MYT1: variants seen among roughly 807,000 people sequenced by gnomAD.
MYT1 encodes the protein myelin transcription factor 1.
In MYT1, 23 loss-of-function variants were observed where a neutral mutation model predicts 123.0. That is an observed-to-expected ratio of 0.19 (90% CI 0.13 to 0.26). The LOEUF (loss-of-function observed/expected upper bound fraction) is 0.26. Among genes scored for constraint, MYT1 ranks in the 10% least tolerant of loss-of-function variants. The pLI is 1.00. For missense variants in MYT1, 1,125 were observed against 1,472.5 expected (o/e 0.76, Z 3.86); for synonymous variants, 518 against 575.3 (o/e 0.90, Z 1.43).
At position 64,217,346 on chromosome 20, in the gene MYT1, G is replaced by A. The variant is rs1156232160; in HGVS notation, c.1846+65G>A. The A allele has an allele frequency of 3.9e-6, 6 of 1,553,056 alleles. No homozygotes were observed. In the Admixed American group the frequency reaches 6.8e-5, roughly 18 times the overall value. On this transcript the variant is annotated intron_variant, in intron 11 of 22. Coordinates refer to ENST00000328439, the MANE Select transcript of MYT1 (RefSeq NM_004535.3). ...GCTCCTGGGAGGGGCAGGATTCAAG[G>A]GGCAGTGGAGGAGGGACCCTCTCGA...
At chr20:64,187,418 T>C (rs1490999434) in intron 1 of MYT1, among the ~76,000 whole-genome samples, 54 of 106,106 alleles carry the variant, frequency 5.1e-4, no homozygotes, top group Middle Eastern at 7.7e-3. Context: ...TCCACGTTTC[T>C]GTGGAGAGTT....
In MYT1 at chr20:64,231,059, G is replaced by A. The variant is rs566719434; in HGVS notation, c.2676-1105G>A. 1.4e-4 allele frequency among the ~76,000 whole-genome samples: 16 copies of A among 115,248 alleles called. 1 individual carries two copies. The South Asian group carries it at 2.6e-3, about 19-fold the overall frequency. The allele number at this position is 115,248 out of a possible 152,430, so 75.6% of individuals were successfully genotyped here. On this transcript the variant is annotated intron_variant, in intron 18 of 22. Coordinates refer to ENST00000328439, the MANE Select transcript of MYT1 (RefSeq NM_004535.3). This position sits in a 1 kb window ranked among gnomAD's most constrained non-coding sequence, Gnocchi z 6.4. ...GCCCCCGCCCCCGCCCCCTGCTACC[G>A]TCCTCCCGAGCGCTTCCTGCGCTGA...
At position 64,207,703 on chromosome 20, in the gene MYT1, G is replaced by A; in HGVS notation, c.507G>A (p.Leu169=). The change falls in exon 7 of 23, where the codon CTG becomes CTA. Residue 169 remains leucine, a synonymous_variant. Transcript: ENST00000328439. The part of the protein sequence containing the change: ...SYQGIIATSL[L]NLGQIAEETL... ...AGGGAATCATCGCAACTTCTCTCCT[G>A]AACTTGGGTCAAATTGCTGAAGAGA... The A allele has an allele frequency of 6.2e-7, 1 of 1,614,084 alleles. No individual in the cohort carries two copies. Among genetic ancestry groups the A allele is most frequent in the African/African-American group, 1.3e-5 (1 of 75,028 alleles).
intron 14 of MYT1, among the ~76,000 whole-genome samples, chr20:64,222,779 C>T (rs1157116582): frequency 6.6e-6 from 1 of 152,230 alleles, no homozygotes; most frequent in Non-Finnish European, 1.5e-5. Flanking sequence ...CCAGGGAAGG[C>T]CTTGCTTCAG....
rs1442414348 is a variant in MYT1 at position 64,190,461 on chromosome 20, G to A, written c.-1+301G>A. Among the ~76,000 whole-genome samples the A allele has an allele frequency of 1.3e-5, 2 of 152,128 alleles. No homozygotes were observed. The highest frequency in any genetic ancestry group is 6.5e-5 in the Admixed American group (1 of 15,272). ...GGCTGAGGCAGGTGGATCACTTGAG[G>A]TCAAGAGTTCAAGACCAGCCTGGCC... On this transcript the variant is annotated intron_variant, in intron 2 of 22. Coordinates refer to ENST00000328439, the MANE Select transcript of MYT1 (RefSeq NM_004535.3). This position sits in a 1 kb window ranked among gnomAD's most constrained non-coding sequence, Gnocchi z 4.1.
chr20:64,199,679 G>C (rs1222253072), intron 3 of MYT1, among the ~76,000 whole-genome samples: 1 of 152,188 alleles, frequency 6.6e-6, no homozygotes, highest in Non-Finnish European at 1.5e-5. Flanking sequence ...CACCAGGCTT[G>C]GGGGAGCAGC....
At chr20:64,222,364 C>A (rs1984033448) in intron 14 of MYT1, among the ~76,000 whole-genome samples, 1 of 152,238 alleles carries the variant, frequency 6.6e-6, no homozygotes, top group South Asian at 2.1e-4. Flanking sequence ...CTGCAGGAAG[C>A]CCTCGGGGCA....
At position 64,235,835 on chromosome 20, in the gene MYT1, T is replaced by C. The variant is rs1360967259; in HGVS notation, c.2898-720T>C. ...GTGGTGGGTGACACTGGGCTGGCTGTGGTGGGTGACCCTGGGCTGGCCGTG... is the reference window on the plus strand; with the variant it reads ...GTGGTGGGTGACACTGGGCTGGCTGCGGTGGGTGACCCTGGGCTGGCCGTG... On this transcript the variant is annotated intron_variant, in intron 19 of 22. Coordinates refer to ENST00000328439, the MANE Select transcript of MYT1 (RefSeq NM_004535.3). 1.5e-4 allele frequency among the ~76,000 whole-genome samples: 17 copies of C among 115,608 alleles called. 1 individual carries two copies. The highest frequency in any genetic ancestry group is 6.3e-3 in the Middle Eastern group (1 of 160). The allele number at this position is 115,608 out of a possible 152,430, so 75.8% of individuals were successfully genotyped here.
rs547708691 is a variant in MYT1, at chr20:64,232,584, T to C, written c.2897+199T>C. Among the ~76,000 whole-genome samples, 2 of 152,238 alleles carry C rather than the reference T, an allele frequency of 1.3e-5. No homozygotes were observed. The highest frequency in any genetic ancestry group is 4.1e-4 in the South Asian group (2 of 4,828). On this transcript the variant is annotated intron_variant, in intron 19 of 22. Transcript: ENST00000328439. The surrounding 1 kb of genome is among the most constrained non-coding windows in gnomAD (Gnocchi z 6.9). Reference sequence around the variant, plus strand: ...GTGCCAGGTGATGCTGTGGGTTATGTCTTCGCCATGCGTCTCCCCTCATAC... The same window carrying C: ...GTGCCAGGTGATGCTGTGGGTTATGCCTTCGCCATGCGTCTCCCCTCATAC...
At position 64,227,990 on chromosome 20, in the gene MYT1, G is replaced by C; in HGVS notation, c.2675+19G>C. On this transcript the variant is annotated intron_variant, in intron 18 of 22. Coordinates refer to ENST00000328439, the MANE Select transcript of MYT1 (RefSeq NM_004535.3). ...TGATGAAGTACGTTGGGCCATGCTG[G>C]CTCTTTCATTGCATTGCGGAATTGA... 1.2e-6 allele frequency: 2 copies of C among 1,610,076 alleles called. No homozygotes were observed. The highest frequency in any genetic ancestry group is 1.7e-6 in the Non-Finnish European group (2 of 1,176,668).
intron 2 of MYT1, among the ~76,000 whole-genome samples, chr20:64,195,489 G>A (rs1324548677): frequency 1.3e-5 from 2 of 148,258 alleles, no homozygotes; most frequent in African/African-American, 2.5e-5. Context: ...TCCACCTCCT[G>A]GGTTCAAGTG....
intron 7 of MYT1, among the ~76,000 whole-genome samples, chr20:64,209,638 C>T (rs970345848): frequency 1.3e-5 from 2 of 152,216 alleles, no homozygotes; most frequent in African/African-American, 2.4e-5. Flanking sequence ...GCTGGAGCCA[C>T]GAACCAAAAA....
chr20:64,182,760 A>G lies in MYT1; in HGVS notation c.-98-7303A>G, dbSNP rs139284851. Among the ~76,000 whole-genome samples, 72 of 152,286 alleles carry G rather than the reference A, an allele frequency of 4.7e-4. 1 individual carries two copies. The East Asian group carries it at 0.013, about 28-fold the overall frequency. On this transcript the variant is annotated intron_variant, in intron 1 of 22. Coordinates refer to ENST00000328439, the MANE Select transcript of MYT1 (RefSeq NM_004535.3). ...GCAGCGGTCCAGAGGCTGGCCCAGG[A>G]CACAGGCTCACAGAACCCAGTCTGG...
rs1982162604 is a variant in MYT1, at chr20:64,168,964, G to A, written c.-99+4225G>A. ...TCACGCCTGGCTTCACACCTCCATC[G>A]TGTTCAACACTGGTCTGAGGGCTGG... On this transcript the variant is annotated intron_variant, in intron 1 of 22. Coordinates refer to ENST00000328439, the MANE Select transcript of MYT1 (RefSeq NM_004535.3). The surrounding 1 kb of genome is among the most constrained non-coding windows in gnomAD (Gnocchi z 6.1). Among the ~76,000 whole-genome samples the A allele has an allele frequency of 6.6e-6, 1 of 152,240 alleles. No homozygotes were observed. The highest frequency in any genetic ancestry group is 2.1e-4 in the South Asian group (1 of 4,832).
intron 2 of MYT1, among the ~76,000 whole-genome samples, chr20:64,195,374 GTGTGTGTGT>G (rs1983082452): frequency 9.6e-6 from 1 of 103,838 alleles, no homozygotes; most frequent in Non-Finnish European, 1.9e-5. Context: ...GTGTGTGTGT[GTGTGTGTGT>G]GTGTGTGTGT....
At chr20:64,170,584 A>AT (rs1032955691) in intron 1 of MYT1, among the ~76,000 whole-genome samples, 5 of 151,980 alleles carry the variant, frequency 3.3e-5, no homozygotes, top group African/African-American at 1.2e-4. Context: ...CCTTCTGGTT[A>AT]TTTGAGATCA....
rs1169975177 is a variant in MYT1 at position 64,168,866 on chromosome 20, G to T, written c.-99+4127G>T. 2.0e-5 allele frequency among the ~76,000 whole-genome samples: 3 copies of T among 152,182 alleles called. No individual in the cohort carries two copies. The highest frequency in any genetic ancestry group is 4.4e-5 in the Non-Finnish European group (3 of 68,026). ...GGGGGTGAGCACTGGGGATCTGGAT[G>T]CTCGGGAGGAAAGGTGGAGGCACCA... On this transcript the variant is annotated intron_variant, in intron 1 of 22. Coordinates refer to ENST00000328439, the MANE Select transcript of MYT1 (RefSeq NM_004535.3). The surrounding 1 kb of genome is among the most constrained non-coding windows in gnomAD (Gnocchi z 6.1).
At chr20:64,235,299 C>A (rs1984477495) in intron 19 of MYT1, among the ~76,000 whole-genome samples, 1 of 86,766 alleles carries the variant, frequency 1.2e-5, no homozygotes, top group African/African-American at 6.9e-5. Context: ...GGTGGGTGAC[C>A]CCGAGCTGGC....
chr20:64,217,361 G>A (rs774588589), intron 11 of MYT1, 80 bp downstream of exon 11: 2 of 1,482,780 alleles, frequency 1.3e-6, no homozygotes, highest in Non-Finnish European at 1.9e-6. Flanking sequence ...GTGGAGGAGG[G>A]ACCCTCTCGA....
Sources: gnomAD v4.1 joint callset for allele counts (sites outside exome capture counted in the v4.1 genomes callset) on GRCh38, gnomAD v4.1.1 for gene constraint, Gnocchi (gnomAD v3.1) non-coding constraint, MANE v1.5 for transcripts, NCBI Gene and HGNC (gene_info 2026-07-23, HGNC 2026-07-21) for gene names.